Variants in PTPRC observed in about 807,000 individuals in gnomAD.
PTPRC encodes the protein protein tyrosine phosphatase receptor type C.
A neutral mutation model predicts 155.9 loss-of-function variants in PTPRC; 44 were observed. That is an observed-to-expected ratio of 0.28 (90% confidence interval 0.22 to 0.36). The LOEUF (loss-of-function observed/expected upper bound fraction) is 0.36. Ranked by LOEUF, PTPRC falls within the 10% of genes least tolerant of loss-of-function variation. The probability of loss-of-function intolerance (pLI) is 1.00; values close to 1 mark genes in which losing one functional copy is unlikely to be tolerated. For missense variants in PTPRC, 1,401 were observed against 1,564.6 expected (o/e 0.90, Z 1.76); for synonymous variants, 525 against 533.1 (o/e 0.98, Z 0.21).
Position 198,708,278 on chromosome 1 carries a change from G to T in PTPRC, c.1033+17G>T. The T allele has an allele frequency of 6.3e-7, 1 of 1,597,774 alleles. No homozygotes were observed. Among genetic ancestry groups the T allele is most frequent in the South Asian group, 1.1e-5 (1 of 90,626 alleles). ...TTCAGTGTGGTAAGAATATAACATT[G>T]ACCAGAGAATTTTTTTTTGTGGCAC... On this transcript the variant is annotated intron_variant, in intron 10 of 32. Coordinates refer to ENST00000442510, the MANE Select transcript of PTPRC (RefSeq NM_002838.5).
intron 3 of PTPRC, chr1:198,693,947 T>C: frequency 2.7e-6 from 4 of 1,478,146 alleles, no homozygotes; most frequent in Non-Finnish European, 3.6e-6. Context: ...ACAGAACTAA[T>C]AGGTTAGATG....
intron 2 of PTPRC, among the ~76,000 whole-genome samples, chr1:198,689,132 CTT>C (rs1344340770): frequency 1.4e-4 from 21 of 152,130 alleles, no homozygotes; most frequent in African/African-American, 4.8e-4. Flanking sequence ...TAATTTACCT[CTT>C]GTCCTTCTTT....
rs61757806 is a variant in PTPRC, at chr1:198,756,036, C to G, written c.3776C>G (p.Ala1259Gly). 6.2e-6 allele frequency: 10 copies of G among 1,613,384 alleles called. No individual in the cohort carries two copies. Among genetic ancestry groups the G allele is most frequent in the Non-Finnish European group, 8.5e-6 (10 of 1,179,636 alleles). Reference sequence around the variant, plus strand: ...GAAGTGGACAAAGTAAAGCAGGATGCTAATTGTGTTAATCCACTTGGTGCC... The same window carrying G: ...GAAGTGGACAAAGTAAAGCAGGATGGTAATTGTGTTAATCCACTTGGTGCC... ...DNEVDKVKQD[A>G]NCVNPLGAPE... The change falls in exon 33 of 33, where the codon GCT becomes GGT. Residue 1259 changes from alanine (A) to glycine (G), a missense_variant. Physicochemically the swap from Ala to Gly is moderately conservative, Grantham distance 60. This residue lies in a region of PTPRC where 400 missense variants were observed against 389.5 expected (regional missense o/e 1.03). Coordinates refer to ENST00000442510, the MANE Select transcript of PTPRC (RefSeq NM_002838.5).
chr1:198,680,205 C>A (rs1401855609), intron 2 of PTPRC, among the ~76,000 whole-genome samples: 1 of 152,164 alleles, frequency 6.6e-6, no homozygotes, highest in East Asian at 1.9e-4. Flanking sequence ...TTAATAGCCA[C>A]AACATTGGGA....
At chr1:198,671,255 CCT>C (rs887369082) in intron 2 of PTPRC, among the ~76,000 whole-genome samples, 26 of 152,206 alleles carry the variant, frequency 1.7e-4, no homozygotes, top group Admixed American at 3.9e-4. Flanking sequence ...CCCTCACCCC[CCT>C]GTTTCCAATA....
chr1:198,718,262 G>C lies in PTPRC; in HGVS notation c.1619G>C (p.Arg540Pro). The C allele has an allele frequency of 1.2e-6, 2 of 1,613,852 alleles. No individual in the cohort carries two copies. The highest frequency in any genetic ancestry group is 2.2e-5 in the South Asian group (2 of 91,052). The change falls in exon 14 of 33, where the codon CGT becomes CCT. Residue 540 changes from arginine (R) to proline (P), a missense_variant. Around this residue, in one of 3 missense-constraint regions of PTPRC, gnomAD observed 867 missense variants for 970.4 expected, o/e 0.89. Transcript: ENST00000442510. ...RNESHKNCDF[R>P]VKDLQYSTDY... Reference sequence around the variant, plus strand: ...GAGTCGCATAAGAATTGCGATTTCCGTGTAAAAGATCTTCAATATTCAACA... The same window carrying C: ...GAGTCGCATAAGAATTGCGATTTCCCTGTAAAAGATCTTCAATATTCAACA...
At position 198,639,249 on chromosome 1, in the gene PTPRC, G is replaced by A. The variant is rs1170535955; in HGVS notation, c.-20G>A. 4 of 1,612,154 alleles carry A rather than the reference G, an allele frequency of 2.5e-6. No homozygotes were observed. The highest frequency in any genetic ancestry group is 3.4e-6 in the Non-Finnish European group (4 of 1,178,410). On this transcript the variant is annotated 5_prime_UTR_variant, in exon 2 of 33. Coordinates refer to ENST00000442510, the MANE Select transcript of PTPRC (RefSeq NM_002838.5). ...AGAAGGACGCATGCTGTTTCTTAGG[G>A]ACACGGCTGACTTCCAGATATGACC...
chr1:198,685,545 G>A (rs1389053735), intron 2 of PTPRC, among the ~76,000 whole-genome samples: 22 of 151,934 alleles, frequency 1.4e-4, no homozygotes, highest in Non-Finnish European at 1.5e-5. Flanking sequence ...GCTGCCCAGA[G>A]TGCTTACTCC....
chr1:198,732,660 C>A, intron 20 of PTPRC, 104 bp downstream of exon 20: 1 of 901,740 alleles, frequency 1.1e-6, no homozygotes, highest in Non-Finnish European at 1.7e-6. Context: ...TTGAAGTGAG[C>A]CCATATGTCA....
chr1:198,735,240 G>A lies in PTPRC; in HGVS notation c.2391G>A (p.Leu797=), dbSNP rs1167282510. The A allele has an allele frequency of 6.2e-7, 1 of 1,600,516 alleles. No homozygotes were observed. The highest frequency in any genetic ancestry group is 8.5e-7 in the Non-Finnish European group (1 of 1,172,102). Reference sequence around the variant, plus strand: ...GTCCAGATTACATCATTCAGAAATTGAACATTGTAAATGTGAGTTTGCTTT... The same window carrying A: ...GTCCAGATTACATCATTCAGAAATTAAACATTGTAAATGTGAGTTTGCTTT... ...KRCPDYIIQK[L]NIVNKKEKAT... is the part of the protein sequence containing the mutation. The change falls in exon 23 of 33, where the codon TTG becomes TTA. Residue 797 remains leucine (L), a synonymous_variant. Coordinates refer to ENST00000442510, the MANE Select transcript of PTPRC (RefSeq NM_002838.5).
At chr1:198,749,134 T>C (rs1224916587) in intron 27 of PTPRC, among the ~76,000 whole-genome samples, 1 of 151,786 alleles carries the variant, frequency 6.6e-6, no homozygotes, top group Non-Finnish European at 1.5e-5. Context: ...AAAGTATATG[T>C]ATCAAAGATT....
At chr1:198,737,499 T>C (rs1654703710) in intron 23 of PTPRC, among the ~76,000 whole-genome samples, 1 of 151,164 alleles carries the variant, frequency 6.6e-6, no homozygotes, top group Non-Finnish European at 1.5e-5. Context: ...ATGAGTCCAC[T>C]GTAGAGTTGT....
At position 198,706,645 on chromosome 1, in the gene PTPRC, T is replaced by C. The variant is rs528601994; in HGVS notation, c.686-89T>C. The C allele has an allele frequency of 5.0e-6, 7 of 1,387,046 alleles. No individual in the cohort carries two copies. In the South Asian group the frequency reaches 7.6e-5, roughly 15 times the overall value. 85.9% of individuals were successfully genotyped at this position (1,387,046 alleles called of 1,614,324 possible). ...CTTTTTCATGTTTTTTGGGGATATTTGGTTAGTTGATTTGATATTTTGGCA... is the reference window on the plus strand; with the variant it reads ...CTTTTTCATGTTTTTTGGGGATATTCGGTTAGTTGATTTGATATTTTGGCA... On this transcript the variant is annotated intron_variant, in intron 8 of 32. Transcript: ENST00000442510.
chr1:198,742,230 A>G lies in PTPRC; in HGVS notation c.2562-2A>G. 6.2e-7 allele frequency: 1 copy of G among 1,612,120 alleles called. No individual in the cohort carries two copies. On this transcript the variant is annotated splice_acceptor_variant, in intron 24 of 32. Coordinates refer to ENST00000442510, the MANE Select transcript of PTPRC (RefSeq NM_002838.5). LOFTEE classifies it high-confidence loss of function. Reference sequence around the variant, plus strand: ...TCTGCTTTTTTTTGCTTGGTTTGCCAGTGCTGGTGTTGGGCGCACAGGAAC... The same window carrying G: ...TCTGCTTTTTTTTGCTTGGTTTGCCGGTGCTGGTGTTGGGCGCACAGGAAC...
chr1:198,699,704 G>C lies in PTPRC; in HGVS notation c.439G>C (p.Asp147His), dbSNP rs1392608565. 6.2e-7 allele frequency: 1 copy of C among 1,614,026 alleles called. No individual in the cohort carries two copies. Among genetic ancestry groups the C allele is most frequent in the Non-Finnish European group, 8.5e-7 (1 of 1,180,050 alleles). ...TACCCCAGGCAGCAATGCTATCTCA[G>C]GTTTGCGGGTCCTTTAGACTTGTGC... The part of the protein sequence containing the change: ...NPTPGSNAIS[D>H]VPGERSTAST... Residue 147 changes from aspartate to histidine, a missense_variant and splice_region_variant, in exon 5 of 33, where the codon GAT (aspartate) becomes CAT (histidine). Asp to His is a moderately conservative substitution (Grantham distance 81). Transcript: ENST00000442510.
intron 29 of PTPRC, among the ~76,000 whole-genome samples, chr1:198,751,241 T>C (rs138314877): frequency 1.6e-4 from 24 of 152,148 alleles, no homozygotes; most frequent in African/African-American, 5.8e-4. Context: ...TAAAAGTCTA[T>C]AGTTGAAGGT....
At position 198,756,199 on chromosome 1, in the gene PTPRC, G is replaced by A; in HGVS notation, c.*18G>A. ...GTTCATAGGAAAAGACATAAATGAG[G>A]AAACTCCAAACCTCCTGTTAGCTGT... is the stretch of plus-strand genomic sequence containing the variant. On this transcript the variant is annotated 3_prime_UTR_variant, in exon 33 of 33. Coordinates refer to ENST00000442510, the MANE Select transcript of PTPRC (RefSeq NM_002838.5). 3 of 1,612,666 alleles carry A rather than the reference G, an allele frequency of 1.9e-6. No homozygotes were observed. Among genetic ancestry groups the A allele is most frequent in the Non-Finnish European group, 8.5e-7 (1 of 1,179,300 alleles).
At chr1:198,736,889 G>T (rs1164217769) in intron 23 of PTPRC, among the ~76,000 whole-genome samples, 1 of 151,618 alleles carries the variant, frequency 6.6e-6, no homozygotes, top group Non-Finnish European at 1.5e-5. Context: ...GTTATAACTG[G>T]AGCATAGTGA....
At chr1:198,685,057 A>T (rs1665545237) in intron 2 of PTPRC, among the ~76,000 whole-genome samples, 1 of 152,032 alleles carries the variant, frequency 6.6e-6, no homozygotes, top group African/African-American at 2.4e-5. Context: ...GTTTCCTTAT[A>T]TATCAAATGA....
Sources: gnomAD v4.1 joint callset for allele counts (sites outside exome capture counted in the v4.1 genomes callset) on GRCh38, gnomAD v4.1.1 for gene constraint, gnomAD v4.1.1 regional missense constraint, MANE v1.5 for transcripts, NCBI Gene and HGNC (gene_info 2026-07-23, HGNC 2026-07-21) for gene names.